Variants in ARK2C observed in about 807,000 individuals in gnomAD.
The protein encoded by ARK2C is arkadia (RNF111) C-terminal like ring finger ubiquitin ligase 2C.
chr18:46,442,390 G>A, the ARK2C span, among the ~76,000 whole-genome samples: 1 of 152,054 alleles, frequency 6.6e-6, no homozygotes, highest in Non-Finnish European at 1.5e-5. Flanking sequence ...TTTCTAGTTA[G>A]CATTATGAAT....
chr18:46,376,905 C>T, the ARK2C span, among the ~76,000 whole-genome samples: 1,006 of 152,080 alleles, frequency 6.6e-3, 11 homozygotes, highest in African/African-American at 0.023. Context: ...TCTGATCTCG[C>T]GATCTGCCCG....
chr18:46,348,746 G>C, the ARK2C span, among the ~76,000 whole-genome samples: 1 of 152,268 alleles, frequency 6.6e-6, no homozygotes, highest in Non-Finnish European at 1.5e-5. Context: ...CAACAATTTG[G>C]AAATACTACA....
chr18:46,420,233 C>T, the ARK2C span, among the ~76,000 whole-genome samples: 3 of 152,298 alleles, frequency 2.0e-5, no homozygotes, highest in African/African-American at 7.2e-5. Flanking sequence ...AGCTCTTCTT[C>T]TAAACTCTTC....
the ARK2C span, among the ~76,000 whole-genome samples, chr18:46,353,257 T>C: frequency 6.6e-6 from 1 of 152,234 alleles, no homozygotes; most frequent in Non-Finnish European, 1.5e-5. Context: ...AAGCTGCACA[T>C]CCTTGGGCAA....
the ARK2C span, among the ~76,000 whole-genome samples, chr18:46,411,407 C>T: frequency 5.1e-3 from 771 of 152,324 alleles, 4 homozygotes; most frequent in Middle Eastern, 0.014. Flanking sequence ...AGGACGTATG[C>T]TCTGAGTCAG....
At chr18:46,455,884 C>T in the ARK2C span, 2 of 724,886 alleles carry the variant, frequency 2.8e-6, no homozygotes, top group Non-Finnish European at 4.8e-6. Context: ...AACCTGACTC[C>T]CAGGGGAAGA....
At chr18:46,383,122 G>A in the ARK2C span, among the ~76,000 whole-genome samples, 9 of 152,360 alleles carry the variant, frequency 5.9e-5, no homozygotes, top group Non-Finnish European at 8.8e-5. Context: ...AGCCTAGGCC[G>A]GGGTAGGTGC....
At chr18:46,375,156 GA>G in the ARK2C span, among the ~76,000 whole-genome samples, 1 of 152,124 alleles carries the variant, frequency 6.6e-6, no homozygotes, top group Non-Finnish European at 1.5e-5. Flanking sequence ...CCCGCCCTCA[GA>G]GGCCCCAGGC....
At chr18:46,391,242 G>A in the ARK2C span, among the ~76,000 whole-genome samples, 2 of 152,336 alleles carry the variant, frequency 1.3e-5, no homozygotes, top group African/African-American at 4.8e-5. Flanking sequence ...TTAGTCTTGA[G>A]GTGGGAGGCT....
the ARK2C span, chr18:46,435,307 A>G: frequency 6.2e-7 from 1 of 1,614,058 alleles, no homozygotes; most frequent in South Asian, 1.1e-5. Context: ...AGGAGCGTGT[A>G]TCTGTCCACC....
the ARK2C span, among the ~76,000 whole-genome samples, chr18:46,429,883 T>C: frequency 1.3e-5 from 2 of 152,094 alleles, no homozygotes. Context: ...TCCCAAAGTG[T>C]TGGGATTATG....
the ARK2C span, among the ~76,000 whole-genome samples, chr18:46,388,908 C>A: frequency 6.6e-6 from 1 of 152,064 alleles, no homozygotes; most frequent in Non-Finnish European, 1.5e-5. Context: ...AAAAAAAAGA[C>A]ACGAAACATT....
the ARK2C span, among the ~76,000 whole-genome samples, chr18:46,415,547 A>AAAATAAAT: frequency 6.6e-6 from 1 of 151,698 alleles, no homozygotes. Context: ...AAAAAATAAA[A>AAAATAAAT]AAATAAATAA....
the ARK2C span, among the ~76,000 whole-genome samples, chr18:46,383,056 C>T: frequency 1.3e-5 from 2 of 152,278 alleles, no homozygotes; most frequent in African/African-American, 2.4e-5. Flanking sequence ...ATCATGGCAT[C>T]CATCTCATGC....
chr18:46,374,998 C>G, the ARK2C span, among the ~76,000 whole-genome samples: 1 of 152,214 alleles, frequency 6.6e-6, no homozygotes, highest in Non-Finnish European at 1.5e-5. Context: ...GGGCCCCAGC[C>G]AGGCCCCAGG....
chr18:46,337,069 C>T, the ARK2C span: 2 of 985,256 alleles, frequency 2.0e-6, no homozygotes, highest in African/African-American at 1.7e-5. Flanking sequence ...CAGCCGGCTC[C>T]CTTCTGCTGC....
At chr18:46,419,677 G>C in the ARK2C span, among the ~76,000 whole-genome samples, 1 of 152,208 alleles carries the variant, frequency 6.6e-6, no homozygotes, top group Non-Finnish European at 1.5e-5. Flanking sequence ...AGGCCAACAG[G>C]GGTGGGAGGC....
the ARK2C span, among the ~76,000 whole-genome samples, chr18:46,393,806 G>A: frequency 8.1e-3 from 1,233 of 152,350 alleles, 18 homozygotes; most frequent in African/African-American, 0.028. Context: ...GGTCATGAGC[G>A]CTGGTCTTGC....
At chr18:46,374,187 C>T in the ARK2C span, among the ~76,000 whole-genome samples, 1 of 152,234 alleles carries the variant, frequency 6.6e-6, no homozygotes, top group South Asian at 2.1e-4. Flanking sequence ...AGGGGTCAGC[C>T]AGGAAGCCTT....
Sources: gnomAD v4.1 joint callset for allele counts (sites outside exome capture counted in the v4.1 genomes callset) on GRCh38, gnomAD v4.1.1 for gene constraint, MANE v1.5 for transcripts, NCBI Gene and HGNC (gene_info 2026-07-23, HGNC 2026-07-21) for gene names.